HSD17B12: variants seen among roughly 807,000 people sequenced by gnomAD.
HSD17B12 encodes hydroxysteroid 17-beta dehydrogenase 12, also known as very-long-chain 3-oxoacyl-CoA reductase.
A neutral mutation model predicts 39.3 loss-of-function variants in HSD17B12; 32 were observed. The observed-to-expected ratio is 0.81, with a 90% CI of 0.61 to 1.09. HSD17B12 has a LOEUF of 1.09. Ranked by LOEUF, HSD17B12 falls within the 50% of genes least tolerant of loss-of-function variation. The pLI, the probability that HSD17B12 is intolerant of heterozygous loss-of-function variation, is 0.00. For synonymous variants in HSD17B12, 150 were observed against 146.7 expected (o/e 1.02, Z -0.16); for missense variants, 342 against 382.9 (o/e 0.89, Z 0.89).
chr11:43,598,160 C>G, the HSD17B12 span, among the ~76,000 whole-genome samples: 1 of 152,092 alleles, frequency 6.6e-6, no homozygotes, highest in African/African-American at 2.4e-5. Context: ...GAAAGAATGG[C>G]CTCCAGACAC....
chr11:43,713,253 A>G (rs1275737595), intron 1 of HSD17B12, among the ~76,000 whole-genome samples: 1 of 148,602 alleles, frequency 6.7e-6, no homozygotes, highest in African/African-American at 2.5e-5. Flanking sequence ...TACATTAGGT[A>G]TATCTCCTAA....
At chr11:43,764,265 T>C (rs1260446497) in intron 3 of HSD17B12, among the ~76,000 whole-genome samples, 1 of 152,166 alleles carries the variant, frequency 6.6e-6, no homozygotes, top group East Asian at 1.9e-4. Flanking sequence ...GCCAAATATC[T>C]GAATTTTAAA....
intron 3 of HSD17B12, among the ~76,000 whole-genome samples, chr11:43,768,781 T>G (rs1206554365): frequency 1.3e-5 from 2 of 152,180 alleles, no homozygotes; most frequent in East Asian, 1.9e-4. Flanking sequence ...CGTGGCTGGC[T>G]CTGGTGGCCA....
chr11:43,733,664 C>G, intron 1 of HSD17B12: 1 of 443,002 alleles, frequency 2.3e-6, no homozygotes, highest in Non-Finnish European at 4.3e-6. Context: ...TGGTAAAAAG[C>G]TAATCTTTAG....
chr11:43,657,236 T>A, the HSD17B12 span, among the ~76,000 whole-genome samples: 2 of 152,244 alleles, frequency 1.3e-5, no homozygotes, highest in African/African-American at 4.8e-5. Context: ...CTGCCTTTTT[T>A]TGTTTTCCAT....
At chr11:43,713,595 G>C (rs1950091332) in intron 1 of HSD17B12, among the ~76,000 whole-genome samples, 1 of 152,118 alleles carries the variant, frequency 6.6e-6, no homozygotes. Flanking sequence ...ACATACGTGT[G>C]CATGTGTCTT....
At chr11:43,770,704 C>T (rs1449152983) in intron 3 of HSD17B12, among the ~76,000 whole-genome samples, 1 of 152,214 alleles carries the variant, frequency 6.6e-6, no homozygotes, top group African/African-American at 2.4e-5. Context: ...CACTGCGCTC[C>T]AGCCTGGGTA....
At chr11:43,841,226 T>A (rs1275530612) in intron 9 of HSD17B12, among the ~76,000 whole-genome samples, 1 of 152,136 alleles carries the variant, frequency 6.6e-6, no homozygotes, top group Non-Finnish European at 1.5e-5. Context: ...AATAAAATCG[T>A]GTTGTTTGGT....
intron 9 of HSD17B12, chr11:43,852,481 ATT>A (rs1296884994): frequency 1.3e-5 from 2 of 151,142 alleles, no homozygotes; most frequent in African/African-American, 4.9e-5. Flanking sequence ...AATCTTCACT[ATT>A]TTGTGACCTT....
chr11:43,615,268 GCT>G, the HSD17B12 span, among the ~76,000 whole-genome samples: 1 of 152,118 alleles, frequency 6.6e-6, no homozygotes, highest in Admixed American at 6.6e-5. Context: ...TGTTCAGTGA[GCT>G]CTCTCTTTTC....
intron 3 of HSD17B12, among the ~76,000 whole-genome samples, chr11:43,776,912 T>G (rs563080643): frequency 1.2e-4 from 18 of 152,278 alleles, no homozygotes; most frequent in African/African-American, 4.3e-4. Flanking sequence ...GATCAGATAG[T>G]TGTAGATATG....
intron 1 of HSD17B12, among the ~76,000 whole-genome samples, chr11:43,735,702 G>A (rs1950310070): frequency 6.6e-6 from 1 of 152,122 alleles, no homozygotes; most frequent in Non-Finnish European, 1.5e-5. Flanking sequence ...GTGGGTTGTT[G>A]TATTAGTATG....
intron 1 of HSD17B12, among the ~76,000 whole-genome samples, chr11:43,750,155 C>T (rs1211816023): frequency 6.6e-6 from 1 of 152,076 alleles, no homozygotes; most frequent in East Asian, 1.9e-4. Flanking sequence ...TCTACACACA[C>T]ACAGTAGTAA....
At chr11:43,571,311 C>T in the HSD17B12 span, among the ~76,000 whole-genome samples, 108 of 152,284 alleles carry the variant, frequency 7.1e-4, no homozygotes, top group African/African-American at 2.2e-3. Context: ...GGCCATGCTT[C>T]CCAACCCCTG....
chr11:43,705,291 G>T (rs1349465859), intron 1 of HSD17B12, among the ~76,000 whole-genome samples: 1 of 152,200 alleles, frequency 6.6e-6, no homozygotes, highest in Non-Finnish European at 1.5e-5. Context: ...TAAAACCAAA[G>T]AGTAGAGGTA....
intron 6 of HSD17B12, among the ~76,000 whole-genome samples, chr11:43,828,350 G>T (rs1221079398): frequency 1.4e-5 from 1 of 70,878 alleles, no homozygotes; most frequent in Non-Finnish European, 3.0e-5. Flanking sequence ...CACCGTTTTA[G>T]CCGGGATGGT....
chr11:43,683,705 A>G lies in HSD17B12; in HGVS notation c.160+2718A>G, dbSNP rs534093334. ...CTTAATCTCAAGAGTCTCTGTTCTT[A>G]TGCAGCCTTTGAATCTACTTTCTAG... On this transcript the variant is annotated intron_variant, in intron 1 of 10. Coordinates refer to ENST00000278353, the MANE Select transcript of HSD17B12 (RefSeq NM_016142.3). Among the ~76,000 whole-genome samples, 13 of 152,332 alleles carry G rather than the reference A, an allele frequency of 8.5e-5. No homozygotes were observed. The South Asian group carries it at 2.1e-3, about 24-fold the overall frequency.
the HSD17B12 span, among the ~76,000 whole-genome samples, chr11:43,615,583 A>C: frequency 6.6e-6 from 1 of 152,158 alleles, no homozygotes; most frequent in Non-Finnish European, 1.5e-5. Flanking sequence ...TCTACACCAC[A>C]GAAGGTGCTT....
At chr11:43,599,887 A>G in the HSD17B12 span, among the ~76,000 whole-genome samples, 1 of 152,342 alleles carries the variant, frequency 6.6e-6, no homozygotes, top group African/African-American at 2.4e-5. Flanking sequence ...TTAAACCTCA[A>G]ATAAACATTT....
Sources: allele counts gnomAD v4.1 joint callset (sites outside exome capture counted in the v4.1 genomes callset), GRCh38; gene constraint gnomAD v4.1.1; transcripts MANE v1.5; gene names NCBI Gene and HGNC (gene_info 2026-07-23, HGNC 2026-07-21).